The following ADAM10 variants were observed in gnomAD, a reference collection of about 807,000 sequenced individuals.
The protein encoded by ADAM10 is disintegrin and metalloproteinase domain-containing protein 10.
In ADAM10, 17 loss-of-function variants were observed where a neutral mutation model predicts 90.1. The ratio of observed to expected loss-of-function variants is 0.19; its 90% CI spans 0.13 to 0.28. ADAM10 has a LOEUF of 0.28. Ranked by LOEUF, ADAM10 falls within the 10% of genes least tolerant of loss-of-function variation. ADAM10 has a pLI of 1.00. For synonymous variants in ADAM10, 310 were observed against 298.6 expected, an observed-to-expected ratio of 1.04 and a Z score of -0.40; for missense variants, 610 against 914.3, an observed-to-expected ratio of 0.67 and a Z score of 4.29.
At chr15:58,709,702 T>C (rs774788098) in intron 2 of ADAM10, among the ~76,000 whole-genome samples, 2 of 152,054 alleles carry the variant, frequency 1.3e-5, no homozygotes, top group East Asian at 3.9e-4. Flanking sequence ...ATTGCACCAC[T>C]GCACTCCAGC....
chr15:58,728,519 A>G (rs1325268352), intron 1 of ADAM10, among the ~76,000 whole-genome samples: 2 of 152,078 alleles, frequency 1.3e-5, no homozygotes, highest in African/African-American at 4.8e-5. Context: ...CAAAGAAGAC[A>G]GCTTAAGGTG....
intron 2 of ADAM10, among the ~76,000 whole-genome samples, chr15:58,687,360 A>T (rs1246241753): frequency 1.3e-5 from 2 of 152,366 alleles, no homozygotes; most frequent in East Asian, 3.8e-4. Flanking sequence ...ACAGAATTTC[A>T]TATATTTAAA....
At chr15:58,680,403 G>GT (rs1897400490) in intron 3 of ADAM10, among the ~76,000 whole-genome samples, 1 of 152,178 alleles carries the variant, frequency 6.6e-6, no homozygotes, top group South Asian at 2.1e-4. Flanking sequence ...GATTACAGGC[G>GT]TGAGTCACCA....
At chr15:58,615,075 C>T (rs1895566905) in intron 11 of ADAM10, among the ~76,000 whole-genome samples, 1 of 151,972 alleles carries the variant, frequency 6.6e-6, no homozygotes, top group African/African-American at 2.4e-5. Flanking sequence ...GAGATCGAAA[C>T]CATCCTGGCT....
chr15:58,608,388 T>C (rs1368033818), intron 14 of ADAM10, among the ~76,000 whole-genome samples: 3 of 152,194 alleles, frequency 2.0e-5, no homozygotes, highest in African/African-American at 7.2e-5. Context: ...AATCCCGGTA[T>C]GCAAGTAAAC....
At chr15:58,653,531 C>T (rs1320416586) in intron 5 of ADAM10, among the ~76,000 whole-genome samples, 4 of 152,128 alleles carry the variant, frequency 2.6e-5, no homozygotes, top group African/African-American at 7.2e-5. Flanking sequence ...GATTTGCATA[C>T]GTTGAACCAT....
rs574029824 is a variant in ADAM10 at position 58,593,348 on chromosome 15, A to T, written c.*4199T>A. 3 of 151,960 alleles carry T rather than the reference A, an allele frequency of 2.0e-5. No homozygotes were observed. The highest frequency in any genetic ancestry group is 7.3e-5 in the African/African-American group (3 of 41,378). The allele number at this position is 151,960 out of a possible 1,614,324, so 9.4% of individuals were successfully genotyped here. A position where few individuals can be genotyped will look rare whatever the true frequency, so the allele number is the denominator to read the frequency against. ...TGCCTCTGCCTCCCGAGTAGCTGGG[A>T]TTACAAGCATGTGCCACCACGCCCA... is the stretch of plus-strand genomic sequence containing the variant. On this transcript the variant is annotated 3_prime_UTR_variant, in exon 16 of 16. Coordinates refer to ENST00000260408, the MANE Select transcript of ADAM10 (RefSeq NM_001110.4).
chr15:58,645,907 G>T, intron 6 of ADAM10, 148 bp downstream of exon 6: 1 of 786,714 alleles, frequency 1.3e-6, no homozygotes, highest in Non-Finnish European at 2.0e-6. Flanking sequence ...AGTTATCCAT[G>T]TACTTATCTT....
chr15:58,613,144 C>T (rs1380565218), intron 11 of ADAM10, among the ~76,000 whole-genome samples: 2 of 152,214 alleles, frequency 1.3e-5, no homozygotes, highest in African/African-American at 4.8e-5. Flanking sequence ...TCCATTACCA[C>T]AAACTTCTAC....
At chr15:58,635,010 T>A (rs7183738) in intron 8 of ADAM10, among the ~76,000 whole-genome samples, 5,348 of 151,854 alleles carry the variant, frequency 0.035, 334 homozygotes, top group African/African-American at 0.12. Context: ...AAATACAAAT[T>A]TGAATTACTG....
intron 2 of ADAM10, among the ~76,000 whole-genome samples, chr15:58,716,585 T>C (rs1421497253): frequency 6.6e-6 from 1 of 152,182 alleles, no homozygotes; most frequent in Non-Finnish European, 1.5e-5. Flanking sequence ...AATAATAGAC[T>C]AGGATTAATT....
intron 1 of ADAM10, among the ~76,000 whole-genome samples, chr15:58,746,325 A>T (rs1044077094): frequency 1.3e-5 from 2 of 152,186 alleles, no homozygotes; most frequent in African/African-American, 4.8e-5. Flanking sequence ...AAAAATTTTA[A>T]AGAGATCAGA....
At position 58,687,660 on chromosome 15, in the gene ADAM10, T is replaced by A. The variant is rs552592000; in HGVS notation, c.207-5346A>T. 9.3e-3 allele frequency among the ~76,000 whole-genome samples: 1,389 copies of A among 149,940 alleles called. 9 individuals carry two copies. Among genetic ancestry groups the A allele is most frequent in the African/African-American group, 0.03 (1,242 of 41,060 alleles). ...CTAACAAACAAAACTCCATACTTTT[T>A]AAAAAAAAAATACGAACAGTTAAAC... On this transcript the variant is annotated intron_variant, in intron 2 of 15. Coordinates refer to ENST00000260408, the MANE Select transcript of ADAM10 (RefSeq NM_001110.4).
chr15:58,678,649 G>C (rs1897349454), intron 4 of ADAM10, among the ~76,000 whole-genome samples: 1 of 152,078 alleles, frequency 6.6e-6, no homozygotes, highest in African/African-American at 2.4e-5. Context: ...GTGGACTCTT[G>C]AAGTCAAGTC....
intron 13 of ADAM10, 66 bp from the exon 14 acceptor site, chr15:58,610,583 C>A: frequency 6.7e-7 from 1 of 1,495,456 alleles, no homozygotes; most frequent in East Asian, 2.3e-5. Flanking sequence ...ATCAGATTTC[C>A]AGTTGTGCAA....
intron 3 of ADAM10, among the ~76,000 whole-genome samples, chr15:58,680,549 C>A (rs1039047422): frequency 1.3e-5 from 2 of 152,096 alleles, no homozygotes; most frequent in Non-Finnish European, 2.9e-5. Flanking sequence ...TTACACTTCT[C>A]CAGTGAAAGG....
chr15:58,744,772 G>A (rs1595674822), intron 1 of ADAM10, among the ~76,000 whole-genome samples: 1 of 152,234 alleles, frequency 6.6e-6, no homozygotes, highest in Non-Finnish European at 1.5e-5. Flanking sequence ...CACTTTGGGA[G>A]GCCAGGGTTG....
intron 11 of ADAM10, among the ~76,000 whole-genome samples, chr15:58,612,298 T>C (rs1205528817): frequency 2.6e-5 from 4 of 152,146 alleles, no homozygotes; most frequent in Non-Finnish European, 5.9e-5. Context: ...CAGGTAATAA[T>C]GCCTTGGCCA....
intron 2 of ADAM10, among the ~76,000 whole-genome samples, chr15:58,699,738 T>C (rs1301143271): frequency 6.6e-6 from 1 of 152,098 alleles, no homozygotes; most frequent in African/African-American, 2.4e-5. Flanking sequence ...ATTGCACCAC[T>C]GCACTCCAGC....
Sources: gnomAD v4.1 joint callset for allele counts (sites outside exome capture counted in the v4.1 genomes callset) on GRCh38, gnomAD v4.1.1 for gene constraint, MANE v1.5 for transcripts, NCBI Gene and HGNC (gene_info 2026-07-23, HGNC 2026-07-21) for gene names.